The following RALGPS2 variants were observed in gnomAD, a reference collection of about 807,000 sequenced individuals.
RALGPS2 encodes ras-specific guanine nucleotide-releasing factor RalGPS2.
Under a neutral mutation model 86.8 loss-of-function variants are expected in RALGPS2, and 43 were observed. That is an observed-to-expected ratio of 0.50 (90% CI 0.39 to 0.64). RALGPS2 has a LOEUF of 0.64. RALGPS2 is among the 30% of genes least tolerant of loss of function. RALGPS2 has a pLI of 0.00. For missense variants in RALGPS2, 536 were observed against 694.6 expected (o/e 0.77, Z 2.57); for synonymous variants, 243 against 231.3 (o/e 1.05, Z -0.46).
intron 1 of RALGPS2, among the ~76,000 whole-genome samples, chr1:178,728,402 C>CTTTTTTTTTTTTTTTTTT (rs67007360): frequency 7.7e-6 from 1 of 129,628 alleles, no homozygotes. Context: ...CGAAAGTATG[C>CTTTTTTTTTTTTTTTTTT]TTTTTTTTTT....
chr1:178,727,210 G>A (rs949792454), intron 1 of RALGPS2, among the ~76,000 whole-genome samples: 1 of 151,224 alleles, frequency 6.6e-6, no homozygotes, highest in African/African-American at 2.4e-5. Flanking sequence ...TAAGATGTGC[G>A]TTTTTCCCAT....
At chr1:178,904,666 G>C (rs1039737991) in intron 18 of RALGPS2, among the ~76,000 whole-genome samples, 2 of 151,836 alleles carry the variant, frequency 1.3e-5, no homozygotes, top group Admixed American at 1.3e-4. Flanking sequence ...GCTGTATTTG[G>C]GTTTACTTCA....
chr1:178,903,427 G>T (rs768918688), intron 18 of RALGPS2, among the ~76,000 whole-genome samples: 1 of 152,018 alleles, frequency 6.6e-6, no homozygotes, highest in Non-Finnish European at 1.5e-5. Flanking sequence ...GTGGTGATTT[G>T]TGAGATTTTG....
chr1:178,875,422 T>G (rs1306802809), intron 8 of RALGPS2, among the ~76,000 whole-genome samples: 1 of 152,158 alleles, frequency 6.6e-6, no homozygotes, highest in Non-Finnish European at 1.5e-5. Flanking sequence ...AAGAGTTGCT[T>G]AGATTTTGTT....
chr1:178,790,948 T>G (rs905894290), intron 4 of RALGPS2, among the ~76,000 whole-genome samples: 1 of 152,296 alleles, frequency 6.6e-6, no homozygotes, highest in South Asian at 2.1e-4. Context: ...TAAATCAAAA[T>G]TAAACCTCAG....
chr1:178,772,814 A>T (rs945771662), intron 1 of RALGPS2, among the ~76,000 whole-genome samples: 5 of 152,202 alleles, frequency 3.3e-5, no homozygotes, highest in Admixed American at 1.3e-4. Flanking sequence ...ATTTTTAAAC[A>T]TTTTTTTGAG....
Position 178,739,895 on chromosome 1 carries a change from G to A in RALGPS2, c.-84+14476G>A, listed in dbSNP as rs560958808. On this transcript the variant is annotated intron_variant, in intron 1 of 19. Transcript: ENST00000367635. ...TGTAGGAATGAAGTCAACAAACCTA[G>A]CCACCTCATCTGCTTCATTCCAATA... Among the ~76,000 whole-genome samples, 10 of 152,314 alleles carry A rather than the reference G, an allele frequency of 6.6e-5. No individual in the cohort carries two copies. The South Asian group carries it at 8.3e-4, about 13-fold the overall frequency.
At chr1:178,782,642 C>T (rs773814439) in intron 2 of RALGPS2, among the ~76,000 whole-genome samples, 1 of 151,902 alleles carries the variant, frequency 6.6e-6, no homozygotes. Context: ...CACTCCCCCC[C>T]AGCAACCCCT....
At chr1:178,814,250 G>A (rs1338230742) in intron 6 of RALGPS2, among the ~76,000 whole-genome samples, 3 of 152,222 alleles carry the variant, frequency 2.0e-5, no homozygotes. Flanking sequence ...GAGTAGCTCT[G>A]TTGTAGAGTA....
chr1:178,828,828 A>T (rs75400435), intron 7 of RALGPS2, among the ~76,000 whole-genome samples: 5 of 152,146 alleles, frequency 3.3e-5, no homozygotes, highest in African/African-American at 1.2e-4. Context: ...GTTGGTGGGA[A>T]TGTAAATTGG....
At chr1:178,910,080 A>G (rs1465859275) in intron 19 of RALGPS2, among the ~76,000 whole-genome samples, 1 of 152,194 alleles carries the variant, frequency 6.6e-6, no homozygotes, top group Non-Finnish European at 1.5e-5. Context: ...ATTGGTGTAT[A>G]GAAATGCTGT....
At position 178,785,604 on chromosome 1, in the gene RALGPS2, A is replaced by C; in HGVS notation, c.210A>C (p.Pro70=). ...TTCCAGTATTTAAAGCTATTCAACC[A>C]GATGTAAGTAGTTTTGAGAATGTTC... The part of the protein sequence containing the change: ...MDVPVFKAIQ[P]DELSSCGWNK... The change falls in exon 4 of 20, where the codon CCA becomes CCC. Residue 70 remains proline (P), a synonymous_variant. Transcript: ENST00000367635. The C allele has an allele frequency of 1.9e-6, 3 of 1,582,060 alleles. No individual in the cohort carries two copies. Among genetic ancestry groups the C allele is most frequent in the South Asian group, 2.4e-5 (2 of 84,948 alleles).
intron 7 of RALGPS2, among the ~76,000 whole-genome samples, chr1:178,832,914 A>G (rs557949614): frequency 1.6e-4 from 24 of 152,202 alleles, no homozygotes; most frequent in African/African-American, 5.1e-4. Context: ...CAAAGAGAAG[A>G]AAATATCAGA....
chr1:178,786,511 G>T (rs924005779), intron 4 of RALGPS2, among the ~76,000 whole-genome samples: 11 of 151,760 alleles, frequency 7.2e-5, no homozygotes, highest in South Asian at 4.2e-4. Flanking sequence ...TAAGCATGGG[G>T]GTGTGTGTGT....
In RALGPS2 at chr1:178,865,773, T is replaced by G. The variant is rs755763170; in HGVS notation, c.608-11725T>G. ...ACACCTAGGGTCCAGGTAAAAGTCT[T>G]CATTTTGAAATGAGGTTGTAAAATG... On this transcript the variant is annotated intron_variant, in intron 8 of 19. Coordinates refer to ENST00000367635, the MANE Select transcript of RALGPS2 (RefSeq NM_152663.5). 1.3e-6 allele frequency: 2 copies of G among 1,574,556 alleles called. No individual in the cohort carries two copies. Among genetic ancestry groups the G allele is most frequent in the Non-Finnish European group, 8.6e-7 (1 of 1,165,312 alleles).
intron 8 of RALGPS2, chr1:178,864,859 C>T (rs1176705275): frequency 1.5e-5 from 13 of 846,688 alleles, no homozygotes; most frequent in East Asian, 1.5e-4. Context: ...TATATAACAT[C>T]GCAAAATGAA....
chr1:178,891,046 C>G (rs1339069057), intron 14 of RALGPS2, among the ~76,000 whole-genome samples: 7 of 151,916 alleles, frequency 4.6e-5, no homozygotes, highest in Non-Finnish European at 8.8e-5. Context: ...TTTTAGATTG[C>G]TTGACTTATG....
intron 1 of RALGPS2, among the ~76,000 whole-genome samples, chr1:178,733,533 G>C (rs976691928): frequency 6.6e-6 from 1 of 152,234 alleles, no homozygotes; most frequent in Non-Finnish European, 1.5e-5. Context: ...ATACCCACCA[G>C]AATGGTGTTA....
chr1:178,845,817 ATC>A (rs1253025952), intron 8 of RALGPS2, among the ~76,000 whole-genome samples: 1 of 152,172 alleles, frequency 6.6e-6, no homozygotes, highest in African/African-American at 2.4e-5. Context: ...AGAACTTAAT[ATC>A]TCTGGAATTA....
Sources: allele counts gnomAD v4.1 joint callset (sites outside exome capture counted in the v4.1 genomes callset), GRCh38; gene constraint gnomAD v4.1.1; transcripts MANE v1.5; gene names NCBI Gene and HGNC (gene_info 2026-07-23, HGNC 2026-07-21).